Variants in SLC34A3 observed in about 807,000 individuals in gnomAD.
The protein encoded by SLC34A3 is solute carrier family 34 member 3.
SLC34A3 carries 60 observed loss-of-function variants against 43.9 expected under a neutral mutation model. The observed-to-expected ratio is 1.37, with a 90% CI of 1.11 to 1.70. SLC34A3 has a LOEUF of 1.70. Among genes scored for constraint, SLC34A3 ranks in the 40% most tolerant of loss-of-function variants. The pLI is 0.00. For missense variants in SLC34A3, 969 were observed against 823.8 expected (o/e 1.18, Z -2.16); for synonymous variants, 451 against 386.2 (o/e 1.17, Z -1.97).
At position 137,234,519 on chromosome 9, in the gene SLC34A3, C is replaced by G. The variant is rs201720181; in HGVS notation, c.1197C>G (p.Val399=). 488 of 1,605,482 alleles carry G rather than the reference C, an allele frequency of 3.0e-4. 1 individual carries two copies. Among genetic ancestry groups the G allele is most frequent in the Middle Eastern group, 3.0e-3 (18 of 6,042 alleles). Residue 399 remains valine (V), a synonymous_variant, in exon 11 of 13, where the codon GTC becomes GTG. Transcript: ENST00000673835. This position sits in a 1 kb window ranked among gnomAD's most constrained non-coding sequence, Gnocchi z 6.9. ...GCAGCAGCGTCTTCACGGCGGCCGT[C>G]GTGCCCCTCATGGGTGAGCAGGCAG... ...LQSSSVFTAA[V]VPLMGVGVIS...
Position 137,236,451 on chromosome 9 carries a change from C to A in SLC34A3, c.*35C>A. ...GCTGAGCAGACCGCCCCACCCTCCC[C>A]GGCTGGGAGGGCTCTGGAGGGCCCT... On this transcript the variant is annotated 3_prime_UTR_variant, in exon 13 of 13. Coordinates refer to ENST00000673835, the MANE Select transcript of SLC34A3 (RefSeq NM_001177316.2). The A allele has an allele frequency of 6.6e-7, 1 of 1,514,224 alleles. No homozygotes were observed. The highest frequency in any genetic ancestry group is 8.9e-7 in the Non-Finnish European group (1 of 1,127,320). 93.8% of individuals were successfully genotyped at this position (1,514,224 alleles called of 1,614,324 possible).
At chr9:137,231,627 G>T (rs1183144752) in intron 1 of SLC34A3, 37 bp from the exon 2 acceptor site, 1 of 1,287,558 alleles carries the variant, frequency 7.8e-7, no homozygotes, top group Non-Finnish European at 1.1e-6. Context: ...GCCGGGGCAG[G>T]AGGAAATGTC....
intron 8 of SLC34A3, 32 bp from the exon 9 acceptor site, chr9:137,233,831 A>G: frequency 2.2e-6 from 3 of 1,388,936 alleles, no homozygotes; most frequent in Non-Finnish European, 2.9e-6. Context: ...CTGCCCACTG[A>G]GCCTGTCCTG....
At chr9:137,232,487 G>A in intron 3 of SLC34A3, 88 bp from the exon 4 acceptor site, 2 of 1,560,240 alleles carry the variant, frequency 1.3e-6, no homozygotes, top group South Asian at 1.1e-5. Flanking sequence ...TGGAGACAGA[G>A]GAGAGAGGGG....
At chr9:137,231,397 C>A (rs1564414820) in intron 1 of SLC34A3, among the ~76,000 whole-genome samples, 1 of 152,192 alleles carries the variant, frequency 6.6e-6, no homozygotes, top group Non-Finnish European at 1.5e-5. Context: ...GCCTTCCAGT[C>A]AGGACCAGCA....
Position 137,236,168 on chromosome 9 carries a change from G to A in SLC34A3, c.1552G>A (p.Gly518Arg), listed in dbSNP as rs375498010. ...AGGGGGCATGGAGCTGGCCGCTGTCGGGGGTCCCCTGGTGGGGCTGGTGCT... is the reference window on the plus strand; with the variant it reads ...AGGGGGCATGGAGCTGGCCGCTGTCAGGGGTCCCCTGGTGGGGCTGGTGCT... ...LAGGMELAAV[G>R]GPLVGLVLLV... is the part of the protein sequence containing the mutation. The change falls in exon 13 of 13, where the codon GGG (glycine) becomes AGG (arginine). Residue 518 changes from glycine (G) to arginine (R), a missense_variant. Coordinates refer to ENST00000673835, the MANE Select transcript of SLC34A3 (RefSeq NM_001177316.2). The A allele has an allele frequency of 2.1e-5, 33 of 1,606,414 alleles. No individual in the cohort carries two copies. The highest frequency in any genetic ancestry group is 1.1e-4 in the East Asian group (5 of 44,716).
Position 137,233,676 on chromosome 9 carries a change from CTAACAGCAGTCTCAT to C in SLC34A3, c.804_818del (p.Asn268_Ile272del). The stretch of plus-strand genomic sequence containing the variant: ...ATGAGCAGTGCCACAGGCAACGCCA[CTAACAGCAGTCTCAT>C]TAAGCACTGGTGCGGCACCACGGGG... On this transcript the variant is annotated inframe_deletion, in exon 8 of 13. Transcript: ENST00000673835. 6.2e-7 allele frequency: 1 copy of C among 1,612,806 alleles called. No homozygotes were observed. Among genetic ancestry groups the C allele is most frequent in the Non-Finnish European group, 8.5e-7 (1 of 1,179,968 alleles).
intron 3 of SLC34A3, 127 bp from the exon 4 acceptor site, chr9:137,232,448 G>T (rs1836275693): frequency 7.3e-7 from 1 of 1,369,116 alleles, no homozygotes; most frequent in Non-Finnish European, 1.0e-6. Context: ...GGGGGTTACG[G>T]AAGAGGAGGA....
Position 137,232,661 on chromosome 9 carries a change from T to C in SLC34A3, c.262T>C (p.Cys88Arg). Residue 88 changes from cysteine to arginine, a missense_variant, in exon 4 of 13, where the codon TGC becomes CGC. By Grantham distance (180) the Cys-to-Arg change is radical. Coordinates refer to ENST00000673835, the MANE Select transcript of SLC34A3 (RefSeq NM_001177316.2). Reference sequence around the variant, plus strand: ...CCTCGGCAGCCTGTACTTCTTCATCTGCTCTCTGGACGTCCTCAGCTCCGC... The same window carrying C: ...CCTCGGCAGCCTGTACTTCTTCATCCGCTCTCTGGACGTCCTCAGCTCCGC... ...GLLGSLYFFICSLDVLSSAFQ... is the reference protein window; with the variant it reads ...GLLGSLYFFIRSLDVLSSAFQ... The C allele has an allele frequency of 6.2e-7, 1 of 1,612,820 alleles. No homozygotes were observed. The highest frequency in any genetic ancestry group is 1.1e-5 in the South Asian group (1 of 91,092).
In SLC34A3 at chr9:137,232,894, T is replaced by C; in HGVS notation, c.415T>C (p.Ser139Pro). Residue 139 changes from serine (S) to proline (P), a missense_variant, in exon 5 of 13, where the codon TCC (serine) becomes CCC (proline). By Grantham distance (74) the Ser-to-Pro change is moderately conservative. Coordinates refer to ENST00000673835, the MANE Select transcript of SLC34A3 (RefSeq NM_001177316.2). ...TALVQSSSTS[S>P]SIVVSMVAAK... ...CCTGGTGCAGAGTTCCAGCACGTCC[T>C]CCTCCATCGTGGTCAGCATGGTGGC... 1 of 1,607,012 alleles carries C rather than the reference T, an allele frequency of 6.2e-7. No individual in the cohort carries two copies. Among genetic ancestry groups the C allele is most frequent in the Non-Finnish European group, 8.5e-7 (1 of 1,177,228 alleles).
intron 1 of SLC34A3, 141 bp from the exon 2 acceptor site, chr9:137,231,523 G>T: frequency 1.5e-6 from 1 of 652,248 alleles, no homozygotes; most frequent in South Asian, 1.7e-5. Context: ...AAGGGGGATG[G>T]TCACTGAGGC....
At position 137,233,633 on chromosome 9, in the gene SLC34A3, T is replaced by A; in HGVS notation, c.757T>A (p.Leu253Met). 1.2e-6 allele frequency: 2 copies of A among 1,612,182 alleles called. No individual in the cohort carries two copies. Among genetic ancestry groups the A allele is most frequent in the South Asian group, 2.2e-5 (2 of 91,078 alleles). Residue 253 changes from leucine to methionine, a missense_variant and splice_region_variant, in exon 8 of 13, where the codon TTG (leucine) becomes ATG (methionine). Coordinates refer to ENST00000673835, the MANE Select transcript of SLC34A3 (RefSeq NM_001177316.2). ...TKPLTHLIVQ[L>M]DSDMIMSSAT... ...CCGTCACGACCCCTCTGGCCCCCAG[T>A]TGGACTCCGACATGATCATGAGCAG...
chr9:137,232,300 C>T lies in SLC34A3; in HGVS notation c.175+139C>T, dbSNP rs533923715. On this transcript the variant is annotated intron_variant, in intron 3 of 12. Coordinates refer to ENST00000673835, the MANE Select transcript of SLC34A3 (RefSeq NM_001177316.2). ...CATGCAGGCCCCCTCTGGGGAGACACGTGTCCCTCAACCGGGTGTCTGTGC... is the reference window on the plus strand; with the variant it reads ...CATGCAGGCCCCCTCTGGGGAGACATGTGTCCCTCAACCGGGTGTCTGTGC... 7.3e-4 allele frequency: 643 copies of T among 884,898 alleles called. 1 individual carries two copies. Among genetic ancestry groups the T allele is most frequent in the East Asian group, 1.3e-3 (52 of 39,214 alleles). 54.8% of individuals were successfully genotyped at this position (884,898 alleles called of 1,614,324 possible).
rs533673781 is a variant in SLC34A3, at chr9:137,236,500, T to G, written c.*84T>G. The G allele has an allele frequency of 2.4e-4, 276 of 1,156,738 alleles. No homozygotes were observed. The highest frequency in any genetic ancestry group is 1.6e-3 in the African/African-American group (107 of 65,554). 71.7% of individuals were successfully genotyped at this position (1,156,738 alleles called of 1,614,324 possible). ...CTGGAGGGGGGGTCCCCGCGGCAGCTGACCTCCGGTCACCTGCTTCCCCTT... is the reference window on the plus strand; with the variant it reads ...CTGGAGGGGGGGTCCCCGCGGCAGCGGACCTCCGGTCACCTGCTTCCCCTT... On this transcript the variant is annotated 3_prime_UTR_variant, in exon 13 of 13. Coordinates refer to ENST00000673835, the MANE Select transcript of SLC34A3 (RefSeq NM_001177316.2).
intron 6 of SLC34A3, 33 bp from the exon 7 acceptor site, chr9:137,233,176 C>CCCA: frequency 1.3e-6 from 2 of 1,559,418 alleles, no homozygotes; most frequent in South Asian, 1.2e-5. Flanking sequence ...CCGGGCCCCC[C>CCCA]CACCTGACCC....
chr9:137,234,063 G>GCCCCCCCC lies in SLC34A3; in HGVS notation c.926-43_926-42insCCCCCCCC. 1 of 727,354 alleles carries GCCCCCCCC rather than the reference G, an allele frequency of 1.4e-6. No homozygotes were observed. Among genetic ancestry groups the GCCCCCCCC allele is most frequent in the Non-Finnish European group, 2.1e-6 (1 of 481,328 alleles). 45.1% of individuals were successfully genotyped at this position (727,354 alleles called of 1,614,324 possible). On this transcript the variant is annotated intron_variant, in intron 9 of 12. Coordinates refer to ENST00000673835, the MANE Select transcript of SLC34A3 (RefSeq NM_001177316.2). The surrounding 1 kb of genome is among the most constrained non-coding windows in gnomAD (Gnocchi z 6.9). ...GCCCTGTGAGGCCCGGCCCACCCCGGCCCACCCCCCAGGCTCCCCCTCACC... is the reference window on the plus strand; with the variant it reads ...GCCCTGTGAGGCCCGGCCCACCCCGGCCCCCCCCCCCACCCCCCAGGCTCCCCCTCACC...
At chr9:137,233,815 C>T in intron 8 of SLC34A3, 48 bp from the exon 9 acceptor site, 1 of 1,500,642 alleles carries the variant, frequency 6.7e-7, no homozygotes, top group Non-Finnish European at 9.2e-7. Context: ...GCCCTCTGAC[C>T]TCTGTCTGCC....
In SLC34A3 at chr9:137,234,053, G is replaced by GGGGC; in HGVS notation, c.926-56_926-55insGGGC. On this transcript the variant is annotated intron_variant, in intron 9 of 12. Transcript: ENST00000673835. This position sits in a 1 kb window ranked among gnomAD's most constrained non-coding sequence, Gnocchi z 6.9. The stretch of plus-strand genomic sequence containing the variant: ...CGGACAGGCTGCCCTGTGAGGCCCG[G>GGGGC]CCCACCCCGGCCCACCCCCCAGGCT... 3.1e-6 allele frequency: 4 copies of GGGGC among 1,302,254 alleles called. No homozygotes were observed. The highest frequency in any genetic ancestry group is 4.3e-6 in the Non-Finnish European group (4 of 939,804). 80.7% of individuals were successfully genotyped at this position (1,302,254 alleles called of 1,614,324 possible).
At chr9:137,229,963 C>T (rs1836110397), upstream of SLC34A3, among the ~76,000 whole-genome samples, 1 of 152,164 alleles carries the variant, frequency 6.6e-6, no homozygotes, top group Non-Finnish European at 1.5e-5. Flanking sequence ...TGCCCCCCAC[C>T]CCCAGAGCAA....
Sources: gnomAD v4.1 joint callset for allele counts (sites outside exome capture counted in the v4.1 genomes callset) on GRCh38, gnomAD v4.1.1 for gene constraint, Gnocchi (gnomAD v3.1) non-coding constraint, MANE v1.5 for transcripts, NCBI Gene and HGNC (gene_info 2026-07-23, HGNC 2026-07-21) for gene names.